The following FLT3 variants were observed in gnomAD, a reference collection of about 807,000 sequenced individuals.
FLT3 encodes the protein fms related receptor tyrosine kinase 3, also known as receptor-type tyrosine-protein kinase FLT3.
In FLT3, 46 loss-of-function variants were observed where a neutral mutation model predicts 126.6. That is an observed-to-expected ratio of 0.36 (90% CI 0.29 to 0.46). The LOEUF (loss-of-function observed/expected upper bound fraction) is 0.46. FLT3 is among the 20% of genes least tolerant of loss of function. FLT3 has a pLI of 1.00. For synonymous variants in FLT3, 404 were observed against 434.4 expected (o/e 0.93, Z 0.87); for missense variants, 1,069 against 1,190.3 (o/e 0.90, Z 1.50).
chr13:28,013,276 TA>T (rs1380215629), intron 23 of FLT3, among the ~76,000 whole-genome samples: 1 of 152,210 alleles, frequency 6.6e-6, no homozygotes, highest in Non-Finnish European at 1.5e-5. Flanking sequence ...ACAATCCACT[TA>T]AAAATCAGAT....
In FLT3 at chr13:28,014,573, A is replaced by T. The variant is rs750486890; in HGVS notation, c.2754-16T>A. 4 of 1,553,142 alleles carry T rather than the reference A, an allele frequency of 2.6e-6. No individual in the cohort carries two copies. Among genetic ancestry groups the T allele is most frequent in the Middle Eastern group, 3.4e-4 (2 of 5,938 alleles). The stretch of plus-strand genomic sequence containing the variant: ...TATAATGTATCTGTAAAAGCAATAG[A>T]ACAAGGAACAAGATGAAGAAGTCTG... On this transcript the variant is annotated splice_polypyrimidine_tract_variant and intron_variant, in intron 22 of 23. Coordinates refer to ENST00000241453, the MANE Select transcript of FLT3 (RefSeq NM_004119.3).
At chr13:28,014,255 A>G (rs1218510853) in intron 23 of FLT3, among the ~76,000 whole-genome samples, 197 bp downstream of exon 23, 1 of 152,122 alleles carries the variant, frequency 6.6e-6, no homozygotes, top group Non-Finnish European at 1.5e-5. Flanking sequence ...TGGGCCACAG[A>G]GCGAGACCCT....
At chr13:28,041,466 T>A (rs1359922622) in intron 9 of FLT3, among the ~76,000 whole-genome samples, 1 of 152,336 alleles carries the variant, frequency 6.6e-6, no homozygotes, top group East Asian at 1.9e-4. Flanking sequence ...CAGTCTTTTG[T>A]GCTGTCTTAA....
chr13:28,037,573 A>G lies in FLT3; in HGVS notation c.1206-285T>C, dbSNP rs2491235. On this transcript the variant is annotated intron_variant, in intron 9 of 23. Coordinates refer to ENST00000241453, the MANE Select transcript of FLT3 (RefSeq NM_004119.3). ...GAATCTGCATTTTAAGATGATCACC[A>G]TGTGAGTCATATGCCCATTGGGAGT... 0.74 allele frequency among the ~76,000 whole-genome samples: 112,173 copies of G among 152,102 alleles called. 42,302 individuals are homozygous for G. Among genetic ancestry groups the G allele is most frequent in the East Asian group, 0.87 (4,480 of 5,178 alleles).
chr13:28,093,766 C>T (rs1203097202), intron 1 of FLT3, among the ~76,000 whole-genome samples: 2 of 152,146 alleles, frequency 1.3e-5, no homozygotes, highest in Non-Finnish European at 2.9e-5. Context: ...ATTTCTAAAA[C>T]TCCACTGCAA....
At chr13:28,053,876 A>G (rs886186412) in intron 4 of FLT3, among the ~76,000 whole-genome samples, 9 of 151,834 alleles carry the variant, frequency 5.9e-5, no homozygotes, top group African/African-American at 2.2e-4. Flanking sequence ...TGTGTGAGAC[A>G]GGGTCTCTGT....
chr13:28,028,275 G>A lies in FLT3; in HGVS notation c.1956C>T (p.Ser652=), dbSNP rs1478319366. 1 of 1,583,780 alleles carries A rather than the reference G, an allele frequency of 6.3e-7. No individual in the cohort carries two copies. Among genetic ancestry groups the A allele is most frequent in the South Asian group, 1.1e-5 (1 of 90,414 alleles). Residue 652 remains serine, a synonymous_variant, in exon 16 of 24, where the codon AGC becomes AGT. Coordinates refer to ENST00000241453, the MANE Select transcript of FLT3 (RefSeq NM_004119.3). ...CTGACATGAGTGCCTCTCTTTCAGAGCTGTCTGCTTTTTCTGTCAAAGAAA... is the reference window on the plus strand; with the variant it reads ...CTGACATGAGTGCCTCTCTTTCAGAACTGTCTGCTTTTTCTGTCAAAGAAA... The part of the protein sequence containing the change: ...AVKMLKEKAD[S]SEREALMSEL...
intron 9 of FLT3, among the ~76,000 whole-genome samples, chr13:28,043,507 C>A (rs930930114): frequency 6.6e-6 from 1 of 152,166 alleles, no homozygotes; most frequent in African/African-American, 2.4e-5. Flanking sequence ...AGGGGCCTTT[C>A]AGTAACAGAT....
intron 1 of FLT3, among the ~76,000 whole-genome samples, chr13:28,084,328 T>C (rs1414500765): frequency 6.6e-6 from 1 of 152,044 alleles, no homozygotes; most frequent in African/African-American, 2.4e-5. Flanking sequence ...TAATTTTTTA[T>C]TTTTTTACAA....
rs1210403222 is a variant in FLT3 at position 28,035,574 on chromosome 13, G to A, written c.1518C>T (p.Ala506=). The A allele has an allele frequency of 1.4e-5, 23 of 1,614,012 alleles. No individual in the cohort carries two copies. The Admixed American group carries it at 3.8e-4, about 27-fold the overall frequency. ...AGCACTTGACCAGGAACCCTTTTATGGCTTCACTCATGTTTAGAGTACTGC... is the reference window on the plus strand; with the variant it reads ...AGCACTTGACCAGGAACCCTTTTATAGCTTCACTCATGTTTAGAGTACTGC... The part of the protein sequence containing the change: ...VSSSTLNMSE[A]IKGFLVKCCA... The change falls in exon 12 of 24, where the codon GCC becomes GCT. Residue 506 remains alanine (A), a synonymous_variant. Transcript: ENST00000241453.
chr13:28,070,392 A>G (rs978080013), intron 2 of FLT3, 99 bp downstream of exon 2: 1 of 970,012 alleles, frequency 1.0e-6, no homozygotes, highest in South Asian at 1.5e-5. Context: ...ACTTAAATAC[A>G]TAAAGAGAAG....
At chr13:28,056,403 T>G (rs9579149) in intron 4 of FLT3, among the ~76,000 whole-genome samples, 24,845 of 152,098 alleles carry the variant, frequency 0.16, 2,192 homozygotes, top group Middle Eastern at 0.26. Flanking sequence ...TGTGTCAATG[T>G]GTCGGGGGGA....
At chr13:28,066,691 G>A (rs1298027318) in intron 2 of FLT3, among the ~76,000 whole-genome samples, 1 of 152,024 alleles carries the variant, frequency 6.6e-6, no homozygotes, top group African/African-American at 2.4e-5. Context: ...ATAAAATGAG[G>A]GGAAAGGGGC....
At position 28,022,829 on chromosome 13, in the gene FLT3, C is replaced by T. The variant is rs532243230; in HGVS notation, c.2418+521G>A. Among the ~76,000 whole-genome samples the T allele has an allele frequency of 7.2e-5, 11 of 152,270 alleles. No homozygotes were observed. In the East Asian group the frequency reaches 1.2e-3, roughly 16 times the overall value. ...AAAATTGGGGTAGAGACATGGTTCA[C>T]GGCAGGCTCCAGGGCCTTACCAACG... On this transcript the variant is annotated intron_variant, in intron 19 of 23. Coordinates refer to ENST00000241453, the MANE Select transcript of FLT3 (RefSeq NM_004119.3).
chr13:28,043,368 T>G (rs1279891730), intron 9 of FLT3, among the ~76,000 whole-genome samples: 1 of 152,172 alleles, frequency 6.6e-6, no homozygotes, highest in Non-Finnish European at 1.5e-5. Flanking sequence ...AGGCAAGCCC[T>G]AGTAAACTTT....
intron 3 of FLT3, among the ~76,000 whole-genome samples, chr13:28,060,709 A>C (rs1442878455): frequency 2.6e-5 from 4 of 151,938 alleles, no homozygotes; most frequent in Non-Finnish European, 5.9e-5. Context: ...GCTTCAAGCT[A>C]TTCTCCTGCC....
At chr13:28,062,424 T>C (rs1348648721) in intron 2 of FLT3, among the ~76,000 whole-genome samples, 1 of 151,994 alleles carries the variant, frequency 6.6e-6, no homozygotes, top group Non-Finnish European at 1.5e-5. Flanking sequence ...AGGGTGGGCC[T>C]AAATCCAGTA....
intron 2 of FLT3, chr13:28,067,881 G>T: frequency 2.5e-6 from 1 of 393,680 alleles, no homozygotes; most frequent in South Asian, 2.4e-5. Context: ...GGTGGGACAT[G>T]GCAAATAAAG....
chr13:28,049,321 T>A (rs1875205934), intron 8 of FLT3, 63 bp downstream of exon 8: 8 of 1,429,720 alleles, frequency 5.6e-6, no homozygotes, highest in Non-Finnish European at 7.7e-6. Flanking sequence ...TACCACATAC[T>A]TCACATTCCA....
Sources: gnomAD v4.1 joint callset for allele counts (sites outside exome capture counted in the v4.1 genomes callset) on GRCh38, gnomAD v4.1.1 for gene constraint, MANE v1.5 for transcripts, NCBI Gene and HGNC (gene_info 2026-07-23, HGNC 2026-07-21) for gene names.